Variants in KLF12 observed in about 807,000 individuals in gnomAD.
KLF12 encodes the protein Krueppel-like factor 12.
A neutral mutation model predicts 37.8 loss-of-function variants in KLF12; 9 were observed. That is an observed-to-expected ratio of 0.24 (90% CI 0.14 to 0.42). The LOEUF is 0.42. Ranked by LOEUF, KLF12 falls within the 10% of genes least tolerant of loss-of-function variation. KLF12 has a pLI of 1.00. For missense variants in KLF12, 411 were observed against 516.0 expected (o/e 0.80, Z 1.97); for synonymous variants, 208 against 202.1 (o/e 1.03, Z -0.25).
intron 3 of KLF12, among the ~76,000 whole-genome samples, chr13:73,915,565 T>C (rs903305125): frequency 1.3e-5 from 2 of 151,826 alleles, no homozygotes; most frequent in African/African-American, 2.4e-5. Flanking sequence ...CAGGCTGGAG[T>C]GCAGTGGCAC....
chr13:74,251,300 C>T, the KLF12 span, among the ~76,000 whole-genome samples: 2 of 151,984 alleles, frequency 1.3e-5, no homozygotes, highest in Non-Finnish European at 2.9e-5. Flanking sequence ...TACAAGCATG[C>T]ATCCTGCTAA....
At chr13:73,878,104 T>C (rs758224441) in intron 3 of KLF12, among the ~76,000 whole-genome samples, 4 of 152,184 alleles carry the variant, frequency 2.6e-5, no homozygotes, top group South Asian at 4.1e-4. Flanking sequence ...AGTAACTCCA[T>C]TGGCATCTTC....
chr13:74,158,418 G>A, the KLF12 span, among the ~76,000 whole-genome samples: 1 of 152,196 alleles, frequency 6.6e-6, no homozygotes, highest in South Asian at 2.1e-4. Context: ...GCAATTCATG[G>A]CCTGGGATTA....
chr13:73,772,367 C>A (rs183748939), intron 5 of KLF12, among the ~76,000 whole-genome samples: 275 of 152,262 alleles, frequency 1.8e-3, no homozygotes, highest in African/African-American at 3.3e-3. Context: ...TGAGCTTAGA[C>A]AAATAATTGA....
At chr13:73,742,694 A>G (rs1370226115) in intron 6 of KLF12, among the ~76,000 whole-genome samples, 3 of 152,160 alleles carry the variant, frequency 2.0e-5, no homozygotes, top group Non-Finnish European at 2.9e-5. Context: ...ACAGATGAGT[A>G]AAATAGAGTT....
intron 1 of KLF12, among the ~76,000 whole-genome samples, chr13:74,116,547 T>C (rs1427118499): frequency 6.6e-6 from 1 of 152,202 alleles, no homozygotes; most frequent in African/African-American, 2.4e-5. Flanking sequence ...ATCATGAACA[T>C]TCACTGAGAA....
intron 3 of KLF12, among the ~76,000 whole-genome samples, chr13:73,884,459 CT>C (rs1887123886): frequency 1.3e-5 from 2 of 152,216 alleles, no homozygotes; most frequent in African/African-American, 4.8e-5. Flanking sequence ...TAATCATCCT[CT>C]TTAAATCAGG....
chr13:73,911,112 A>T (rs371429362), intron 3 of KLF12, among the ~76,000 whole-genome samples: 31 of 152,318 alleles, frequency 2.0e-4, no homozygotes, highest in African/African-American at 7.2e-4. Flanking sequence ...TCAAATTTTT[A>T]CCATGAAAAA....
the KLF12 span, among the ~76,000 whole-genome samples, chr13:74,252,381 A>G: frequency 3.3e-5 from 5 of 152,174 alleles, no homozygotes; most frequent in Non-Finnish European, 5.9e-5. Context: ...TGTTACAGGT[A>G]TACCTCTTTC....
At chr13:73,756,376 G>T (rs1322805614) in intron 6 of KLF12, among the ~76,000 whole-genome samples, 2 of 152,010 alleles carry the variant, frequency 1.3e-5, no homozygotes, top group Non-Finnish European at 2.9e-5. Flanking sequence ...GGGTTTTAGA[G>T]AAATGAAGGT....
chr13:73,795,275 T>C (rs1416319659), intron 5 of KLF12, among the ~76,000 whole-genome samples: 2 of 152,192 alleles, frequency 1.3e-5, no homozygotes, highest in African/African-American at 4.8e-5. Context: ...CAGAAATTAC[T>C]GTAATGCACA....
intron 3 of KLF12, among the ~76,000 whole-genome samples, chr13:73,853,404 T>A (rs1351174831): frequency 6.6e-6 from 1 of 152,104 alleles, no homozygotes; most frequent in African/African-American, 2.4e-5. Context: ...TAGGTTGGTG[T>A]GAGTGAGTGA....
intron 4 of KLF12, 126 bp downstream of exon 4, chr13:73,845,701 T>C: frequency 1.3e-6 from 1 of 757,698 alleles, no homozygotes; most frequent in Non-Finnish European, 2.1e-6. Context: ...ACAGCTGGTG[T>C]CTCCACGTTG....
the KLF12 span, among the ~76,000 whole-genome samples, chr13:74,286,579 T>A: frequency 6.6e-6 from 1 of 152,190 alleles, no homozygotes; most frequent in East Asian, 1.9e-4. Flanking sequence ...AAAGTAGGGA[T>A]AGCCTTCATA....
At chr13:73,986,058 C>A (rs1367558118) in intron 2 of KLF12, among the ~76,000 whole-genome samples, 2 of 152,084 alleles carry the variant, frequency 1.3e-5, no homozygotes, top group Non-Finnish European at 2.9e-5. Context: ...GAGCTTTTAA[C>A]GAGATAACCA....
intron 1 of KLF12, among the ~76,000 whole-genome samples, chr13:74,127,239 C>T (rs1317762286): frequency 6.6e-6 from 1 of 152,184 alleles, no homozygotes; most frequent in Non-Finnish European, 1.5e-5. Flanking sequence ...TGGTTTAATT[C>T]TACTATACTA....
chr13:73,858,922 T>G (rs1885755402), intron 3 of KLF12, among the ~76,000 whole-genome samples: 1 of 152,204 alleles, frequency 6.6e-6, no homozygotes, highest in Non-Finnish European at 1.5e-5. Context: ...TTATAAAGAC[T>G]GTGAAATCAA....
chr13:73,879,539 A>G (rs1886879173), intron 3 of KLF12, among the ~76,000 whole-genome samples: 1 of 152,254 alleles, frequency 6.6e-6, no homozygotes, highest in Admixed American at 6.5e-5. Context: ...AACACACAGT[A>G]AAACCACAAT....
chr13:73,702,423 A>C (rs1446347546), intron 7 of KLF12, among the ~76,000 whole-genome samples: 3 of 152,222 alleles, frequency 2.0e-5, no homozygotes, highest in Non-Finnish European at 4.4e-5. Flanking sequence ...GCCATCTGAA[A>C]TGCTGAAAGG....
Sources: allele counts gnomAD v4.1 joint callset (sites outside exome capture counted in the v4.1 genomes callset), GRCh38; gene constraint gnomAD v4.1.1; transcripts MANE v1.5; gene names NCBI Gene and HGNC (gene_info 2026-07-23, HGNC 2026-07-21).